The following PDE10A variants were observed in gnomAD, a reference collection of about 807,000 sequenced individuals.
PDE10A encodes the protein cAMP and cAMP-inhibited cGMP 3',5'-cyclic phosphodiesterase 10A.
PDE10A carries 39 observed loss-of-function variants against 97.7 expected under a neutral mutation model. The ratio of observed to expected loss-of-function variants is 0.40; its 90% CI spans 0.31 to 0.52. The LOEUF is 0.52. PDE10A is among the 20% of genes least tolerant of loss of function. The pLI is 0.56. For synonymous variants in PDE10A, 371 were observed against 376.8 expected, an observed-to-expected ratio of 0.98 and a Z score of 0.18; for missense variants, 731 against 1,047.8, an observed-to-expected ratio of 0.70 and a Z score of 4.17.
chr6:165,455,416 C>A (rs746852860), intron 3 of PDE10A, among the ~76,000 whole-genome samples: 1 of 152,070 alleles, frequency 6.6e-6, no homozygotes, highest in Non-Finnish European at 1.5e-5. Flanking sequence ...AGGATCCCCA[C>A]GTAGGAAGGG....
chr6:165,348,128 A>C lies in PDE10A; in HGVS notation c.2784-4626T>G, dbSNP rs572263013. Among the ~76,000 whole-genome samples, 6 of 152,222 alleles carry C rather than the reference A, an allele frequency of 3.9e-5. No homozygotes were observed. In the South Asian group the frequency reaches 1.2e-3, roughly 32 times the overall value. On this transcript the variant is annotated intron_variant, in intron 18 of 21. Coordinates refer to ENST00000539869, the MANE Select transcript of PDE10A (RefSeq NM_001385079.1). ...AGGGTACAAATATTATCTGGGACTA[A>C]GAGAATAAACATTTTCATTTTAGAA...
intron 1 of PDE10A, among the ~76,000 whole-genome samples, chr6:165,958,406 A>T (rs1005293764): frequency 2.0e-5 from 3 of 151,702 alleles, no homozygotes; most frequent in African/African-American, 7.3e-5. Context: ...CGGAGGTTGC[A>T]GTGAGCTGAG....
chr6:165,516,198 C>T (rs1562538851), intron 2 of PDE10A, among the ~76,000 whole-genome samples: 1 of 152,142 alleles, frequency 6.6e-6, no homozygotes, highest in Non-Finnish European at 1.5e-5. Flanking sequence ...AATCTCTTCT[C>T]CGTCTTCCAT....
In PDE10A at chr6:165,661,259, C is replaced by T. The variant is rs1386835490; in HGVS notation, c.865+688G>A. 1 of 152,460 alleles carries T rather than the reference C, an allele frequency of 6.6e-6. No individual in the cohort carries two copies. The highest frequency in any genetic ancestry group is 1.5e-5 in the Non-Finnish European group (1 of 68,286). 9.4% of individuals were successfully genotyped at this position (152,460 alleles called of 1,614,324 possible). On this transcript the variant is annotated intron_variant, in intron 1 of 21. Transcript: ENST00000539869. This position sits in a 1 kb window ranked among gnomAD's most constrained non-coding sequence, Gnocchi z 4.8. ...CACCCTAGCGACCTATTGTCCTTCC[C>T]TTTTCTCTACCACCCCGGACCCCAG...
chr6:165,863,217 G>T (rs1006981390), intron 1 of PDE10A, among the ~76,000 whole-genome samples: 1 of 152,168 alleles, frequency 6.6e-6, no homozygotes, highest in Non-Finnish European at 1.5e-5. Flanking sequence ...GCATTTCATT[G>T]TTGTCTTCTG....
intron 5 of PDE10A, among the ~76,000 whole-genome samples, chr6:165,440,786 G>C (rs1034342517): frequency 6.6e-6 from 1 of 151,446 alleles, no homozygotes; most frequent in Non-Finnish European, 1.5e-5. Flanking sequence ...TTATGGAAAG[G>C]TTGTTTTTAA....
chr6:165,834,163 C>T (rs762596754), intron 1 of PDE10A, among the ~76,000 whole-genome samples: 23 of 152,212 alleles, frequency 1.5e-4, no homozygotes, highest in Non-Finnish European at 2.2e-4. Context: ...CCCAGTTACC[C>T]AGGCAGAACA....
intron 2 of PDE10A, among the ~76,000 whole-genome samples, chr6:165,490,938 G>A (rs1417325323): frequency 6.6e-6 from 1 of 152,152 alleles, no homozygotes; most frequent in Non-Finnish European, 1.5e-5. Context: ...CTGGGGCACA[G>A]AGCAAGACCC....
intron 1 of PDE10A, among the ~76,000 whole-genome samples, chr6:165,793,640 A>G (rs1465659159): frequency 6.6e-6 from 1 of 152,158 alleles, no homozygotes; most frequent in Non-Finnish European, 1.5e-5. Flanking sequence ...CCTCTGCTGC[A>G]CCGCTGGGGG....
intron 2 of PDE10A, among the ~76,000 whole-genome samples, chr6:165,487,800 T>A (rs1780005796): frequency 6.6e-6 from 1 of 152,192 alleles, no homozygotes; most frequent in Non-Finnish European, 1.5e-5. Flanking sequence ...CTGATGCAGT[T>A]CATGATTCCT....
chr6:165,918,633 C>T (rs1346838705), intron 1 of PDE10A, among the ~76,000 whole-genome samples: 1 of 152,158 alleles, frequency 6.6e-6, no homozygotes, highest in Non-Finnish European at 1.5e-5. Flanking sequence ...TGTATATGTG[C>T]CTATAGTAGC....
chr6:165,678,527 C>A (rs1790889258), intron 1 of PDE10A, among the ~76,000 whole-genome samples: 1 of 152,074 alleles, frequency 6.6e-6, no homozygotes, highest in Non-Finnish European at 1.5e-5. Context: ...ATAACCCCTT[C>A]ATTGGATTTT....
intron 17 of PDE10A, among the ~76,000 whole-genome samples, chr6:165,381,438 G>C (rs1408315178): frequency 6.6e-6 from 1 of 152,048 alleles, no homozygotes; most frequent in South Asian, 2.1e-4. Context: ...TAATTTACAA[G>C]AGTAAAGGGA....
intron 1 of PDE10A, among the ~76,000 whole-genome samples, chr6:165,866,018 G>A (rs1379652039): frequency 6.6e-6 from 1 of 152,052 alleles, no homozygotes; most frequent in Non-Finnish European, 1.5e-5. Context: ...AGGAAGAAAT[G>A]AACAAAGGAT....
chr6:165,622,967 C>G (rs75238530), intron 1 of PDE10A, among the ~76,000 whole-genome samples: 1,717 of 152,124 alleles, frequency 0.011, 30 homozygotes, highest in African/African-American at 0.039. Context: ...CTCCCCCCAC[C>G]CTTACTCCTG....
Position 165,339,343 on chromosome 6 carries a change from T to G in PDE10A, c.2911A>C (p.Lys971Gln), listed in dbSNP as rs771779437. The G allele has an allele frequency of 6.2e-7, 1 of 1,600,242 alleles. No homozygotes were observed. Among genetic ancestry groups the G allele is most frequent in the Non-Finnish European group, 8.6e-7 (1 of 1,167,700 alleles). ...EFWAEGDEMK[K>Q]LGIQPIPMMD... is the part of the protein sequence containing the mutation. The stretch of plus-strand genomic sequence containing the variant: ...ATAGGAATAGGCTGTATTCCCAATT[T>G]CTTCATTTCATCACCCTAAGATGAA... Residue 971 changes from lysine to glutamine, a missense_variant, in exon 20 of 22, where the codon AAA becomes CAA. Around this residue, in one of 8 missense-constraint regions of PDE10A, gnomAD observed 96 missense variants for 156.7 expected, o/e 0.61. Coordinates refer to ENST00000539869, the MANE Select transcript of PDE10A (RefSeq NM_001385079.1).
intron 1 of PDE10A, chr6:165,940,123 C>T (rs1218605412): frequency 6.6e-6 from 1 of 152,234 alleles, no homozygotes; most frequent in African/African-American, 2.4e-5. Context: ...GCACATAAGC[C>T]TTGCTTGTTT....
At chr6:165,637,243 C>A (rs76078282) in intron 1 of PDE10A, among the ~76,000 whole-genome samples, 4 of 152,114 alleles carry the variant, frequency 2.6e-5, no homozygotes, top group Non-Finnish European at 5.9e-5. Context: ...CTCAGTGGAA[C>A]GGCAAAGAAT....
chr6:165,459,522 T>TAGAC (rs138521828), intron 3 of PDE10A, among the ~76,000 whole-genome samples: 2,234 of 106,098 alleles, frequency 0.021, 29 homozygotes, highest in Non-Finnish European at 0.031. Flanking sequence ...GATAGATAGA[T>TAGAC]AGACAGACAG....
Sources: gnomAD v4.1 joint callset for allele counts (sites outside exome capture counted in the v4.1 genomes callset) on GRCh38, gnomAD v4.1.1 for gene constraint, gnomAD v4.1.1 regional missense constraint, Gnocchi (gnomAD v3.1) non-coding constraint, MANE v1.5 for transcripts, NCBI Gene and HGNC (gene_info 2026-07-23, HGNC 2026-07-21) for gene names.